The following FAM227B variants were observed in gnomAD, a reference collection of about 807,000 sequenced individuals.
FAM227B encodes the protein protein FAM227B.
A neutral mutation model predicts 73.8 loss-of-function variants in FAM227B; 88 were observed. That is an observed-to-expected ratio of 1.19 (90% confidence interval 1.00 to 1.42). The LOEUF (loss-of-function observed/expected upper bound fraction) is 1.42. Among genes scored for constraint, FAM227B ranks in the 40% most tolerant of loss-of-function variants. The pLI is 0.00. For synonymous variants in FAM227B, 210 were observed against 190.5 expected (o/e 1.10, Z -0.84); for missense variants, 632 against 590.9 (o/e 1.07, Z -0.72).
At chr15:49,391,803 C>T (rs1237275041) in intron 11 of FAM227B, among the ~76,000 whole-genome samples, 1 of 152,114 alleles carries the variant, frequency 6.6e-6, no homozygotes. Flanking sequence ...TTGACTGTAA[C>T]TTCTGCTTTC....
chr15:49,532,283 G>T (rs1447167077), intron 10 of FAM227B, among the ~76,000 whole-genome samples: 1 of 151,406 alleles, frequency 6.6e-6, no homozygotes, highest in African/African-American at 2.4e-5. Flanking sequence ...AGCCTGTGGT[G>T]AAAAAAATTA....
intron 11 of FAM227B, among the ~76,000 whole-genome samples, chr15:49,463,833 G>T (rs1485875837): frequency 6.6e-6 from 1 of 152,180 alleles, no homozygotes; most frequent in Admixed American, 6.5e-5. Context: ...GGGGAAAATT[G>T]TAAGTATTTG....
In FAM227B at chr15:49,595,491, G is replaced by C. The variant is rs1336903663; in HGVS notation, c.106-5484C>G. Among the ~76,000 whole-genome samples, 5 of 151,958 alleles carry C rather than the reference G, an allele frequency of 3.3e-5. No individual in the cohort carries two copies. In the East Asian group the frequency reaches 9.7e-4, roughly 29 times the overall value. ...GACTTCAGTACTGGGTTGAATAGAA[G>C]TGGTGAAAGTGGGCATACTTGTCTT... On this transcript the variant is annotated intron_variant, in intron 3 of 15. Coordinates refer to ENST00000299338, the MANE Select transcript of FAM227B (RefSeq NM_152647.3).
chr15:49,330,968 A>G (rs2038607453), intron 15 of FAM227B: 1 of 152,238 alleles, frequency 6.6e-6, no homozygotes. Context: ...TTCAACAACA[A>G]CAACAAAAAT....
At chr15:49,370,727 A>C (rs1261387933) in intron 12 of FAM227B, among the ~76,000 whole-genome samples, 1 of 152,210 alleles carries the variant, frequency 6.6e-6, no homozygotes, top group African/African-American at 2.4e-5. Flanking sequence ...ATTGTCTAAC[A>C]AATTAAGATA....
chr15:49,532,074 A>G (rs948459992), intron 10 of FAM227B, among the ~76,000 whole-genome samples: 2 of 149,216 alleles, frequency 1.3e-5, no homozygotes, highest in Non-Finnish European at 3.0e-5. Context: ...AATATACATA[A>G]TATTATATAG....
chr15:49,365,617 A>G (rs1290169513), intron 13 of FAM227B: 4 of 1,106,882 alleles, frequency 3.6e-6, no homozygotes, highest in Non-Finnish European at 5.6e-6. Context: ...TGGTGTTATG[A>G]AAACAAAAAA....
At chr15:49,340,908 A>C (rs2040623053) in intron 13 of FAM227B, among the ~76,000 whole-genome samples, 1 of 152,170 alleles carries the variant, frequency 6.6e-6, no homozygotes, top group East Asian at 1.9e-4. Context: ...TCTTACATTT[A>C]AATATTTAAT....
At chr15:49,516,514 T>G (rs2059388060) in intron 10 of FAM227B, among the ~76,000 whole-genome samples, 1 of 152,000 alleles carries the variant, frequency 6.6e-6, no homozygotes, top group Admixed American at 6.6e-5. Context: ...AAATTGCAGA[T>G]AGTTCAGTGA....
intron 11 of FAM227B, among the ~76,000 whole-genome samples, chr15:49,416,292 A>T (rs1041410408): frequency 6.6e-6 from 1 of 152,002 alleles, no homozygotes; most frequent in African/African-American, 2.4e-5. Context: ...TATTTGATAA[A>T]TATTTGTTAG....
At chr15:49,565,188 T>C (rs2074550235) in intron 9 of FAM227B, among the ~76,000 whole-genome samples, 1 of 151,564 alleles carries the variant, frequency 6.6e-6, no homozygotes, top group Admixed American at 6.6e-5. Flanking sequence ...TCAAGAACAG[T>C]GTGGCCAATA....
intron 9 of FAM227B, among the ~76,000 whole-genome samples, chr15:49,565,162 TCA>T (rs1484516531): frequency 1.3e-5 from 2 of 151,962 alleles, no homozygotes; most frequent in African/African-American, 2.4e-5. Context: ...GGTGGGCGGA[TCA>T]CGAGGTCAGG....
At chr15:49,451,434 T>G (rs1165613433) in intron 11 of FAM227B, among the ~76,000 whole-genome samples, 2 of 152,106 alleles carry the variant, frequency 1.3e-5, no homozygotes, top group African/African-American at 4.8e-5. Context: ...GTCTATGCAT[T>G]GCTGACAGAC....
chr15:49,508,109 C>T, intron 11 of FAM227B, 102 bp downstream of exon 11: 1 of 1,199,864 alleles, frequency 8.3e-7, no homozygotes, highest in Non-Finnish European at 1.2e-6. Flanking sequence ...TATTTTAAGG[C>T]CCTCACCAAA....
chr15:49,576,843 A>G lies in FAM227B; in HGVS notation c.444T>C (p.Gly148=). ...TTGCTTTGAATCCTGTGAAGCTGCA[A>G]CCCTAGAAAGAGGAAAATATAACAG... ...DEMETEKNIE[G]CSFTGFKANE... is the part of the protein sequence containing the mutation. Residue 148 remains glycine, a splice_region_variant and synonymous_variant, in exon 7 of 16, where the codon GGT becomes GGC. Coordinates refer to ENST00000299338, the MANE Select transcript of FAM227B (RefSeq NM_152647.3). 6.2e-7 allele frequency: 1 copy of G among 1,601,514 alleles called. No homozygotes were observed. The highest frequency in any genetic ancestry group is 8.5e-7 in the Non-Finnish European group (1 of 1,170,606).
intron 13 of FAM227B, among the ~76,000 whole-genome samples, chr15:49,362,060 A>G (rs2044334177): frequency 6.6e-6 from 1 of 151,956 alleles, no homozygotes; most frequent in Non-Finnish European, 1.5e-5. Flanking sequence ...AAATGTGTTC[A>G]TTCATGTCTT....
intron 13 of FAM227B, among the ~76,000 whole-genome samples, chr15:49,337,984 T>C (rs2040050650): frequency 6.6e-6 from 1 of 152,234 alleles, no homozygotes; most frequent in Non-Finnish European, 1.5e-5. Context: ...TGTGTCTTTA[T>C]AGTAGAATGA....
At chr15:49,368,844 T>C (rs1446760593) in intron 12 of FAM227B, among the ~76,000 whole-genome samples, 1 of 152,234 alleles carries the variant, frequency 6.6e-6, no homozygotes, top group African/African-American at 2.4e-5. Flanking sequence ...GTTAAGAAAA[T>C]CACAGTTTGC....
chr15:49,546,835 A>G (rs943428183), intron 9 of FAM227B, among the ~76,000 whole-genome samples: 3 of 152,214 alleles, frequency 2.0e-5, no homozygotes, highest in Non-Finnish European at 2.9e-5. Context: ...TGGGGAGAAT[A>G]GAACCAAGTT....
Sources: allele counts gnomAD v4.1 joint callset (sites outside exome capture counted in the v4.1 genomes callset), GRCh38; gene constraint gnomAD v4.1.1; transcripts MANE v1.5; gene names NCBI Gene and HGNC (gene_info 2026-07-23, HGNC 2026-07-21).